Variants in ANKRD27 observed in about 807,000 individuals in gnomAD.
The protein encoded by ANKRD27 is ankyrin repeat domain-containing protein 27.
A neutral mutation model predicts 129.7 loss-of-function variants in ANKRD27; 112 were observed. The observed-to-expected ratio is 0.86, with a 90% CI of 0.74 to 1.01. ANKRD27 has a LOEUF of 1.01. ANKRD27 is among the 50% of genes least tolerant of loss of function. The probability of loss-of-function intolerance (pLI) is 0.00; values close to 1 mark genes in which losing one functional copy is unlikely to be tolerated. For missense variants in ANKRD27, 1,258 were observed against 1,300.5 expected, an observed-to-expected ratio of 0.97 and a Z score of 0.50; for synonymous variants, 516 against 511.2, an observed-to-expected ratio of 1.01 and a Z score of -0.13.
intron 12 of ANKRD27, among the ~76,000 whole-genome samples, chr19:32,634,223 T>C (rs991212684): frequency 5.9e-5 from 9 of 152,158 alleles, no homozygotes; most frequent in Non-Finnish European, 1.0e-4. Context: ...CATCAATACA[T>C]AGCAATGACT....
At position 32,612,204 on chromosome 19, in the gene ANKRD27, A is replaced by G. The variant is rs189262678; in HGVS notation, c.2175+3454T>C. Among the ~76,000 whole-genome samples, 202 of 152,276 alleles carry G rather than the reference A, an allele frequency of 1.3e-3. 1 individual carries two copies. Among genetic ancestry groups the G allele is most frequent in the South Asian group, 4.6e-3 (22 of 4,820 alleles). On this transcript the variant is annotated intron_variant, in intron 22 of 28. Transcript: ENST00000306065. Reference sequence around the variant, plus strand: ...CTGTATGCTGAAAAAAAATCACAAAATGTTGATGAAAGAAGTCAAAGAAGG... The same window carrying G: ...CTGTATGCTGAAAAAAAATCACAAAGTGTTGATGAAAGAAGTCAAAGAAGG...
chr19:32,649,743 C>T lies in ANKRD27; in HGVS notation c.152G>A (p.Cys51Tyr). The T allele has an allele frequency of 1.2e-6, 2 of 1,614,096 alleles. No individual in the cohort carries two copies. The highest frequency in any genetic ancestry group is 1.1e-5 in the South Asian group (1 of 91,086). The change falls in exon 3 of 29, where the codon TGT (cysteine) becomes TAT (tyrosine). Residue 51 changes from cysteine (C) to tyrosine (Y), a missense_variant. Coordinates refer to ENST00000306065, the MANE Select transcript of ANKRD27 (RefSeq NM_032139.3). The stretch of plus-strand genomic sequence containing the variant: ...TATCAAAATGTAGGACTCAAACTGA[C>T]AAGTAGACTGGATGCTGCTCGACAG... ...GSLSSSIQST[C>Y]QFESYILIPV...
At chr19:32,672,360 G>A (rs1381543650) in intron 1 of ANKRD27, among the ~76,000 whole-genome samples, 1 of 152,186 alleles carries the variant, frequency 6.6e-6, no homozygotes, top group East Asian at 1.9e-4. Context: ...TAGAGATCCT[G>A]TCCATATTCT....
chr19:32,652,176 C>A (rs1235541848), intron 2 of ANKRD27, among the ~76,000 whole-genome samples: 1 of 152,200 alleles, frequency 6.6e-6, no homozygotes, highest in African/African-American at 2.4e-5. Context: ...TCCAGAGTTA[C>A]CGGCATAGAC....
chr19:32,603,641 C>T (rs553272564), intron 25 of ANKRD27, among the ~76,000 whole-genome samples: 46 of 152,258 alleles, frequency 3.0e-4, no homozygotes, highest in Non-Finnish European at 4.7e-4. Context: ...TGGGCTCAAG[C>T]GATCCTCCCA....
At position 32,628,063 on chromosome 19, in the gene ANKRD27, G is replaced by A. The variant is rs764907744; in HGVS notation, c.1420+20C>T. On this transcript the variant is annotated intron_variant, in intron 15 of 28. Transcript: ENST00000306065. ...CCCTTTGCTGTGACAGCCCCTAGGG[G>A]CCAGCCCAGGACCACATACCACAGA... 3 of 1,611,954 alleles carry A rather than the reference G, an allele frequency of 1.9e-6. No individual in the cohort carries two copies. The highest frequency in any genetic ancestry group is 2.5e-6 in the Non-Finnish European group (3 of 1,178,354).
Position 32,628,114 on chromosome 19 carries a change from C to T in ANKRD27, c.1389G>A (p.Gly463=), listed in dbSNP as rs748404582. ...CAGCAGCCACATGGAGAGGGGTGTG[C>T]CCCCTGTCGTCTCTGGAGAATGGAG... ...VVTPFSRDDR[G]HTPLHVAAVC... The change falls in exon 15 of 29, where the codon GGG becomes GGA. Residue 463 remains glycine, a synonymous_variant. Coordinates refer to ENST00000306065, the MANE Select transcript of ANKRD27 (RefSeq NM_032139.3). The T allele has an allele frequency of 6.2e-7, 1 of 1,614,188 alleles. No homozygotes were observed. Among genetic ancestry groups the T allele is most frequent in the Non-Finnish European group, 8.5e-7 (1 of 1,179,996 alleles).
chr19:32,637,374 C>T (rs1549162), intron 12 of ANKRD27: 107,371 of 152,154 alleles, frequency 0.71, 38,545 homozygotes, highest in African/African-American at 0.84. Flanking sequence ...GCAGGACAAC[C>T]ATGGTTCAAG....
intron 21 of ANKRD27, among the ~76,000 whole-genome samples, chr19:32,616,624 C>T (rs971846232): frequency 1.4e-4 from 21 of 151,982 alleles, no homozygotes; most frequent in African/African-American, 4.8e-4. Flanking sequence ...ACCTGTCCGT[C>T]AGAATCTAAG....
chr19:32,606,962 A>G (rs1971751004), intron 23 of ANKRD27, among the ~76,000 whole-genome samples: 1 of 144,714 alleles, frequency 6.9e-6, no homozygotes, highest in African/African-American at 2.6e-5. Context: ...AAAAAAAAAA[A>G]AAAAAAAAAA....
chr19:32,643,407 C>T (rs767279513), intron 7 of ANKRD27, 24 bp downstream of exon 7: 43 of 1,613,688 alleles, frequency 2.7e-5, no homozygotes, highest in Middle Eastern at 3.3e-4. Flanking sequence ...GGTGTGCCTC[C>T]CAGCCACTCC....
Position 32,628,725 on chromosome 19 carries a change from G to C in ANKRD27, c.1334C>G (p.Ser445Cys). ...CFCDDCEKLV[S>C]GRLNDPSVVT... ...GCCTCCACCAGCACCCTCTTACCCAGAGACGAGTTTCTCACAGTCATCGCA... is the reference window on the plus strand; with the variant it reads ...GCCTCCACCAGCACCCTCTTACCCACAGACGAGTTTCTCACAGTCATCGCA... The change falls in exon 14 of 29, where the codon TCT (serine) becomes TGT (cysteine). Residue 445 changes from serine (S) to cysteine (C), a missense_variant. Transcript: ENST00000306065. The C allele has an allele frequency of 6.2e-7, 1 of 1,613,908 alleles. No individual in the cohort carries two copies. The highest frequency in any genetic ancestry group is 8.5e-7 in the Non-Finnish European group (1 of 1,179,912).
At chr19:32,626,873 C>A in intron 15 of ANKRD27, 46 bp from the exon 16 acceptor site, 1 of 1,328,968 alleles carries the variant, frequency 7.5e-7, no homozygotes, top group Non-Finnish European at 1.1e-6. Flanking sequence ...GGCGCAGAGG[C>A]CTTCCACACC....
chr19:32,674,715 G>A (rs895067845), intron 1 of ANKRD27, among the ~76,000 whole-genome samples: 32 of 151,938 alleles, frequency 2.1e-4, no homozygotes, highest in Admixed American at 1.9e-3. Context: ...CCGGGAAACC[G>A]CGCGGCGACC....
chr19:32,597,391 C>T lies in ANKRD27; in HGVS notation c.*754G>A, dbSNP rs934039817. The T allele has an allele frequency of 6.6e-6, 1 of 152,604 alleles. No homozygotes were observed. The highest frequency in any genetic ancestry group is 2.4e-5 in the African/African-American group (1 of 41,438). 9.5% of individuals were successfully genotyped at this position (152,604 alleles called of 1,614,324 possible). A position where few individuals can be genotyped will look rare whatever the true frequency, so the allele number is the denominator to read the frequency against. On this transcript the variant is annotated 3_prime_UTR_variant, in exon 29 of 29. Transcript: ENST00000306065. ...CAAATCTACTCTCTAATCCAGTAAC[C>T]ATCCCGTCAGGTGTGAGTGTGACAG...
At chr19:32,664,431 CCAACA>C (rs1967707434) in intron 1 of ANKRD27, among the ~76,000 whole-genome samples, 2 of 151,382 alleles carry the variant, frequency 1.3e-5, no homozygotes, top group Admixed American at 1.3e-4. Context: ...AAGACCCTGG[CCAACA>C]TCATGAAACC....
intron 14 of ANKRD27, among the ~76,000 whole-genome samples, chr19:32,628,476 G>T (rs1296151179): frequency 6.6e-6 from 1 of 152,214 alleles, no homozygotes; most frequent in African/African-American, 2.4e-5. Context: ...CCTTTCTGAG[G>T]CTGGGGCAGG....
intron 21 of ANKRD27, among the ~76,000 whole-genome samples, chr19:32,616,194 CA>C (rs1971915986): frequency 6.6e-6 from 1 of 151,904 alleles, no homozygotes; most frequent in African/African-American, 2.4e-5. Flanking sequence ...GCAAAACTCT[CA>C]AAAAAATAAA....
At chr19:32,610,070 G>A (rs921788473) in intron 22 of ANKRD27, among the ~76,000 whole-genome samples, 3 of 151,970 alleles carry the variant, frequency 2.0e-5, no homozygotes, top group South Asian at 2.1e-4. Flanking sequence ...CAGCACTTTC[G>A]GGAGGCCGAG....
Sources: gnomAD v4.1 joint callset for allele counts (sites outside exome capture counted in the v4.1 genomes callset) on GRCh38, gnomAD v4.1.1 for gene constraint, MANE v1.5 for transcripts, NCBI Gene and HGNC (gene_info 2026-07-23, HGNC 2026-07-21) for gene names.